FOXN3: variants seen among roughly 807,000 people sequenced by gnomAD.
FOXN3 encodes forkhead box protein N3.
A neutral mutation model predicts 38.4 loss-of-function variants in FOXN3; 7 were observed. The ratio of observed to expected loss-of-function variants is 0.18; its 90% CI spans 0.10 to 0.34. The LOEUF is 0.34. Ranked by LOEUF, FOXN3 falls within the 10% of genes least tolerant of loss-of-function variation. FOXN3 has a pLI of 1.00. For missense variants in FOXN3, 456 were observed against 613.4 expected (o/e 0.74, Z 2.71); for synonymous variants, 230 against 242.2 (o/e 0.95, Z 0.47).
intron 2 of FOXN3, among the ~76,000 whole-genome samples, chr14:89,381,555 G>T (rs1343620447): frequency 1.2e-5 from 1 of 80,056 alleles, no homozygotes; most frequent in Non-Finnish European, 3.0e-5. Context: ...AAAAAAAAAA[G>T]GTTTGCTTAA....
chr14:89,176,372 T>A (rs1887518427), intron 5 of FOXN3, among the ~76,000 whole-genome samples: 2 of 150,646 alleles, frequency 1.3e-5, no homozygotes, highest in African/African-American at 4.9e-5. Context: ...GAAAAAAAAA[T>A]CCCTGAAAGA....
At chr14:89,495,460 C>A (rs1893661210) in intron 1 of FOXN3, among the ~76,000 whole-genome samples, 1 of 152,072 alleles carries the variant, frequency 6.6e-6, no homozygotes, top group African/African-American at 2.4e-5. Context: ...TGGATATATA[C>A]ACACCTTACT....
chr14:89,605,487 T>C (rs543513639), intron 1 of FOXN3, among the ~76,000 whole-genome samples: 1 of 151,664 alleles, frequency 6.6e-6, no homozygotes, highest in Admixed American at 6.6e-5. Context: ...AAAAGAAATA[T>C]GGAAGAGGCA....
rs547411455 is a variant in FOXN3 at position 89,461,520 on chromosome 14, C to A, written c.-14-49030G>T. Among the ~76,000 whole-genome samples, 3 of 152,252 alleles carry A rather than the reference C, an allele frequency of 2.0e-5. No homozygotes were observed. In the South Asian group the frequency reaches 6.2e-4, roughly 32 times the overall value. Reference sequence around the variant, plus strand: ...TATTTTCTTGAATGAATAATAAATACACTAATGAACTAACAAAGAAAGCAT... The same window carrying A: ...TATTTTCTTGAATGAATAATAAATAAACTAATGAACTAACAAAGAAAGCAT... On this transcript the variant is annotated intron_variant, in intron 1 of 6. Transcript: ENST00000345097.
chr14:89,487,832 T>C (rs967760712), intron 1 of FOXN3, among the ~76,000 whole-genome samples: 50 of 152,098 alleles, frequency 3.3e-4, no homozygotes, highest in African/African-American at 1.2e-3. Context: ...TTTGTTTCTG[T>C]TTGGGGTGAG....
chr14:89,283,795 A>G (rs540101394), intron 3 of FOXN3, among the ~76,000 whole-genome samples: 2 of 152,312 alleles, frequency 1.3e-5, no homozygotes, highest in Admixed American at 6.5e-5. Context: ...TACTGAGCAT[A>G]GTAATCAACC....
At chr14:89,594,462 T>C (rs1399674744) in intron 1 of FOXN3, among the ~76,000 whole-genome samples, 1 of 152,214 alleles carries the variant, frequency 6.6e-6, no homozygotes, top group Non-Finnish European at 1.5e-5. Context: ...CCTGAAGACT[T>C]ATGAAGTTGA....
rs1465829670 is a variant in FOXN3 at position 89,157,500 on chromosome 14, T to C, written c.*4914A>G. The C allele has an allele frequency of 1.3e-5, 2 of 152,572 alleles. No homozygotes were observed. The highest frequency in any genetic ancestry group is 2.9e-5 in the Non-Finnish European group (2 of 68,026). The allele number at this position is 152,572 out of a possible 1,614,324, so 9.5% of individuals were successfully genotyped here. On this transcript the variant is annotated 3_prime_UTR_variant, in exon 6 of 6. Transcript: ENST00000557258. ...GGGTTAACAGATGAATTCACAAAGG[T>C]AGGCAGATCTATACAGAACACTGAA... is the stretch of plus-strand genomic sequence containing the variant.
chr14:89,319,733 G>A (rs149608816), intron 3 of FOXN3, among the ~76,000 whole-genome samples: 117 of 152,254 alleles, frequency 7.7e-4, no homozygotes, highest in African/African-American at 2.7e-3. Context: ...AGGAAATGAT[G>A]TAGCTCCATT....
chr14:89,326,558 T>C lies in FOXN3; in HGVS notation c.680+24114A>G, dbSNP rs146210770. The stretch of plus-strand genomic sequence containing the variant: ...TAGTCAAAAGTAATGAATTTTGTGA[T>C]AGAAAATTGATCTCTCCTGTTCCCA... On this transcript the variant is annotated intron_variant, in intron 3 of 5. Coordinates refer to ENST00000557258, the MANE Select transcript of FOXN3 (RefSeq NM_005197.4). Among the ~76,000 whole-genome samples, 360 of 152,292 alleles carry C rather than the reference T, an allele frequency of 2.4e-3. 1 individual carries two copies. Among genetic ancestry groups the C allele is most frequent in the African/African-American group, 7.2e-3 (300 of 41,562 alleles).
chr14:89,192,540 CTT>C (rs1461808799), intron 4 of FOXN3, among the ~76,000 whole-genome samples: 4 of 119,952 alleles, frequency 3.3e-5, no homozygotes, highest in African/African-American at 1.0e-4. Context: ...TTGTATATAA[CTT>C]TATAACATAT....
rs569822794 is a variant in FOXN3 at position 89,197,285 on chromosome 14, T to C, written c.746-16479A>G. The stretch of plus-strand genomic sequence containing the variant: ...CACTTTGGGAGGCCAAGGTGGCAGA[T>C]TGATTGAGGTCAGGAGTTCAAGACC... On this transcript the variant is annotated intron_variant, in intron 4 of 5. Transcript: ENST00000557258. 3.9e-5 allele frequency among the ~76,000 whole-genome samples: 6 copies of C among 152,096 alleles called. No homozygotes were observed. The East Asian group carries it at 5.8e-4, about 15-fold the overall frequency.
chr14:89,366,389 T>TAACA (rs1281515944), intron 2 of FOXN3, among the ~76,000 whole-genome samples: 1 of 152,242 alleles, frequency 6.6e-6, no homozygotes, highest in African/African-American at 2.4e-5. Flanking sequence ...TCTTTTTTTC[T>TAACA]AACAGTTGTT....
rs1355660883 is a variant in FOXN3, at chr14:89,161,570, T to TGTGTGTGTGC, written c.*843_*844insGCACACACAC. 65 of 136,344 alleles carry TGTGTGTGTGC rather than the reference T, an allele frequency of 4.8e-4. 1 individual carries two copies. The highest frequency in any genetic ancestry group is 1.8e-3 in the African/African-American group (61 of 33,260). 8.4% of individuals were successfully genotyped at this position (136,344 alleles called of 1,614,324 possible). ...TCTCTCTCCTTCGTGTGTGTGTGTG[T>TGTGTGTGTGC]GTGTGTGTGTGTGTGTGTGTGTGTG... On this transcript the variant is annotated 3_prime_UTR_variant, in exon 6 of 6. Transcript: ENST00000557258.
chr14:89,500,185 A>G (rs1893767571), intron 1 of FOXN3, among the ~76,000 whole-genome samples: 1 of 152,110 alleles, frequency 6.6e-6, no homozygotes, highest in Non-Finnish European at 1.5e-5. Flanking sequence ...AATTTCATTT[A>G]CGGGCACTCT....
At chr14:89,467,804 G>GT (rs68132432) in intron 1 of FOXN3, among the ~76,000 whole-genome samples, 6,746 of 56,646 alleles carry the variant, frequency 0.12, 729 homozygotes, top group South Asian at 0.17. Flanking sequence ...TTCTTTCTTT[G>GT]TTTTTTTTTT....
chr14:89,216,121 A>G (rs977293050), intron 4 of FOXN3, among the ~76,000 whole-genome samples: 1 of 152,144 alleles, frequency 6.6e-6, no homozygotes, highest in African/African-American at 2.4e-5. Context: ...TATCCTAGTG[A>G]TAGGAAAGTT....
intron 1 of FOXN3, among the ~76,000 whole-genome samples, chr14:89,438,824 C>T (rs965042251): frequency 5.9e-5 from 9 of 151,468 alleles, no homozygotes; most frequent in Admixed American, 3.3e-4. Context: ...AGTGCAATGG[C>T]GCAATCTCGG....
intron 1 of FOXN3, among the ~76,000 whole-genome samples, chr14:89,431,790 C>T (rs1382446997): frequency 2.0e-5 from 3 of 152,148 alleles, no homozygotes; most frequent in African/African-American, 7.2e-5. Flanking sequence ...TCTTGGCTCA[C>T]TGCAACCTCC....
Sources: gnomAD v4.1 joint callset for allele counts (sites outside exome capture counted in the v4.1 genomes callset) on GRCh38, gnomAD v4.1.1 for gene constraint, MANE v1.5 for transcripts, NCBI Gene and HGNC (gene_info 2026-07-23, HGNC 2026-07-21) for gene names.